Variants in CECR2 observed in about 807,000 individuals in gnomAD.
CECR2 encodes the protein chromatin remodeling regulator CECR2.
A neutral mutation model predicts 154.5 loss-of-function variants in CECR2; 30 were observed. The observed-to-expected ratio is 0.19, with a 90% CI of 0.15 to 0.26. The LOEUF (loss-of-function observed/expected upper bound fraction) is 0.26. CECR2 is among the 10% of genes least tolerant of loss of function. The pLI, the probability that CECR2 is intolerant of heterozygous loss-of-function variation, is 1.00. For synonymous variants in CECR2, 725 were observed against 683.7 expected (o/e 1.06, Z -0.94); for missense variants, 1,743 against 1,829.3 (o/e 0.95, Z 0.86).
intron 1 of CECR2, among the ~76,000 whole-genome samples, chr22:17,415,050 A>T (rs2054136059): frequency 6.6e-6 from 1 of 152,170 alleles, no homozygotes; most frequent in South Asian, 2.1e-4. Context: ...TATGTGTAAG[A>T]TGAATGGTTA....
At chr22:17,513,192 A>T (rs892663943) in intron 8 of CECR2, among the ~76,000 whole-genome samples, 1 of 152,198 alleles carries the variant, frequency 6.6e-6, no homozygotes, top group Non-Finnish European at 1.5e-5. Flanking sequence ...CTCTGAAAAA[A>T]AATAGTTAAA....
chr22:17,453,650 A>G (rs544252783), intron 1 of CECR2, among the ~76,000 whole-genome samples: 8 of 152,304 alleles, frequency 5.3e-5, no homozygotes, highest in East Asian at 3.9e-4. Flanking sequence ...TCTCCTTCCC[A>G]TTAATGATAC....
intron 1 of CECR2, among the ~76,000 whole-genome samples, chr22:17,473,291 A>C (rs2055158107): frequency 6.6e-6 from 1 of 152,182 alleles, no homozygotes; most frequent in Admixed American, 6.5e-5. Flanking sequence ...CTGTGCTCAC[A>C]GCTCAATGCT....
At chr22:17,523,755 C>CAAAAAAAAA (rs66963477) in intron 8 of CECR2, among the ~76,000 whole-genome samples, 8 of 101,132 alleles carry the variant, frequency 7.9e-5, no homozygotes, top group South Asian at 3.6e-4. Flanking sequence ...GACTCTATCT[C>CAAAAAAAAA]AAAAAAAAAA....
chr22:17,442,780 C>T (rs866883308), intron 1 of CECR2, among the ~76,000 whole-genome samples: 2 of 152,088 alleles, frequency 1.3e-5, no homozygotes, highest in Admixed American at 6.5e-5. Flanking sequence ...AACTCCTGAC[C>T]TCATGATCCA....
intron 8 of CECR2, among the ~76,000 whole-genome samples, chr22:17,523,042 G>A (rs116003868): frequency 0.011 from 1,705 of 151,840 alleles, 20 homozygotes; most frequent in African/African-American, 0.039. Flanking sequence ...AGGCAAGATC[G>A]TCTCTAAATT....
At chr22:17,369,107 A>G (rs574486218), upstream of CECR2, among the ~76,000 whole-genome samples, 1 of 152,162 alleles carries the variant, frequency 6.6e-6, no homozygotes, top group Non-Finnish European at 1.5e-5. Flanking sequence ...AGCCCGACCG[A>G]AAGGACCACC....
At position 17,557,293 on chromosome 22, in the gene CECR2, C is replaced by G. The variant is rs948668091; in HGVS notation, c.*4453C>G. 4 of 151,954 alleles carry G rather than the reference C, an allele frequency of 2.6e-5. No individual in the cohort carries two copies. In the East Asian group the frequency reaches 5.8e-4, roughly 22 times the overall value. The allele number at this position is 151,954 out of a possible 1,614,324, so 9.4% of individuals were successfully genotyped here. A position where few individuals can be genotyped will look rare whatever the true frequency, so the allele number is the denominator to read the frequency against. ...CCTCCCAAGTAGCTGGGACTACAAGCGCGCACCACCACTCCCAGCTAATTT... is the reference window on the plus strand; with the variant it reads ...CCTCCCAAGTAGCTGGGACTACAAGGGCGCACCACCACTCCCAGCTAATTT... On this transcript the variant is annotated 3_prime_UTR_variant, in exon 19 of 19. Transcript: ENST00000262608.
chr22:17,485,566 C>T (rs944344220), intron 2 of CECR2, among the ~76,000 whole-genome samples: 33 of 152,072 alleles, frequency 2.2e-4, no homozygotes, highest in African/African-American at 7.3e-4. Flanking sequence ...CTCAGGAGTT[C>T]GAGACCAGCC....
At chr22:17,394,389 T>TG (rs369993332) in intron 1 of CECR2, among the ~76,000 whole-genome samples, 3 of 151,788 alleles carry the variant, frequency 2.0e-5, no homozygotes, top group African/African-American at 7.3e-5. Context: ...TATTTTTTTT[T>TG]GTAGAGACAG....
At position 17,521,717 on chromosome 22, in the gene CECR2, T is replaced by C. The variant is rs939826157; in HGVS notation, c.955-2401T>C. Among the ~76,000 whole-genome samples, 115 of 152,310 alleles carry C rather than the reference T, an allele frequency of 7.6e-4. 1 individual carries two copies. The highest frequency in any genetic ancestry group is 2.6e-3 in the African/African-American group (107 of 41,578). On this transcript the variant is annotated intron_variant, in intron 8 of 18. Transcript: ENST00000262608. Reference sequence around the variant, plus strand: ...TCTGTAGGTTGCCTGTTCACTCTGATGGTAGTTTCTTTTGCTGTGCAGAAG... The same window carrying C: ...TCTGTAGGTTGCCTGTTCACTCTGACGGTAGTTTCTTTTGCTGTGCAGAAG...
chr22:17,403,410 C>CT (rs1362662125), intron 1 of CECR2, among the ~76,000 whole-genome samples: 2 of 152,192 alleles, frequency 1.3e-5, no homozygotes, highest in South Asian at 4.1e-4. Context: ...TGTGTGCTTT[C>CT]TTTTTTTCTT....
rs191910852 is a variant in CECR2, at chr22:17,379,242, C to T, written c.126+9333C>T. On this transcript the variant is annotated intron_variant, in intron 1 of 18. Coordinates refer to ENST00000262608, the MANE Select transcript of CECR2 (RefSeq NM_001290047.2). ...AAAGTGCTGGGATTACAGGCCTGAG[C>T]CCCCCGCGCCTGGCATTGTTAATTT... Among the ~76,000 whole-genome samples, 752 of 152,230 alleles carry T rather than the reference C, an allele frequency of 4.9e-3. 9 individuals are homozygous for T. The highest frequency in any genetic ancestry group is 0.03 in the Admixed American group (452 of 15,286).
intron 1 of CECR2, among the ~76,000 whole-genome samples, chr22:17,361,153 A>T (rs2062974868): frequency 6.6e-6 from 1 of 152,074 alleles, no homozygotes; most frequent in South Asian, 2.1e-4. Flanking sequence ...CCAGAGGGAG[A>T]CCCTGTCTCA....
At chr22:17,535,677 T>C (rs550660188) in intron 9 of CECR2, among the ~76,000 whole-genome samples, 20 of 143,200 alleles carry the variant, frequency 1.4e-4, no homozygotes, top group African/African-American at 5.3e-4. Flanking sequence ...AAATTTTTCT[T>C]TTTTTTCCAG....
intron 2 of CECR2, among the ~76,000 whole-genome samples, chr22:17,483,389 G>A (rs148943463): frequency 2.2e-4 from 34 of 152,206 alleles, no homozygotes; most frequent in Middle Eastern, 3.4e-3. Context: ...GCAAGACTCC[G>A]TCTCTACTAA....
At chr22:17,381,780 G>A (rs1215788195) in intron 1 of CECR2, among the ~76,000 whole-genome samples, 1 of 152,134 alleles carries the variant, frequency 6.6e-6, no homozygotes, top group Non-Finnish European at 1.5e-5. Flanking sequence ...AGAGTTCAGA[G>A]GAAGGCAGAG....
Position 17,428,765 on chromosome 22 carries a change from A to G in CECR2, c.127-48823A>G, listed in dbSNP as rs74978082. Among the ~76,000 whole-genome samples, 409 of 151,510 alleles carry G rather than the reference A, an allele frequency of 2.7e-3. 2 individuals are homozygous for G. The highest frequency in any genetic ancestry group is 0.01 in the Middle Eastern group (3 of 292). ...AGTGCTGGGATTACAGGTGTGAGCT[A>G]CTGCACCCAGATGAGAAAAATAATG... is the stretch of plus-strand genomic sequence containing the variant. On this transcript the variant is annotated intron_variant, in intron 1 of 18. Transcript: ENST00000262608.
In CECR2 at chr22:17,555,692, A is replaced by G. The variant is rs2056765130; in HGVS notation, c.*2852A>G. 6.6e-6 allele frequency: 1 copy of G among 152,124 alleles called. No individual in the cohort carries two copies. The highest frequency in any genetic ancestry group is 2.4e-5 in the African/African-American group (1 of 41,424). The allele number at this position is 152,124 out of a possible 1,614,324, so 9.4% of individuals were successfully genotyped here. A position where few individuals can be genotyped will look rare whatever the true frequency, so the allele number is the denominator to read the frequency against. On this transcript the variant is annotated 3_prime_UTR_variant, in exon 19 of 19. Coordinates refer to ENST00000262608, the MANE Select transcript of CECR2 (RefSeq NM_001290047.2). ...CCATTAGGAAAATGATGGTTATGTG[A>G]TATGTTATATTTAGGAAGTAGTGTG...
Sources: allele counts gnomAD v4.1 joint callset (sites outside exome capture counted in the v4.1 genomes callset), GRCh38; gene constraint gnomAD v4.1.1; transcripts MANE v1.5; gene names NCBI Gene and HGNC (gene_info 2026-07-23, HGNC 2026-07-21).